WDPCP: variants seen among roughly 807,000 people sequenced by gnomAD.
WDPCP encodes the protein WD repeat-containing and planar cell polarity effector protein fritz homolog.
A neutral mutation model predicts 93.1 loss-of-function variants in WDPCP; 71 were observed. The observed-to-expected ratio is 0.76, with a 90% confidence interval of 0.63 to 0.93. The LOEUF (loss-of-function observed/expected upper bound fraction) is 0.93. Ranked by LOEUF, WDPCP falls within the 40% of genes least tolerant of loss-of-function variation. The probability of loss-of-function intolerance (pLI) is 0.00; values close to 1 mark genes in which losing one functional copy is unlikely to be tolerated. For missense variants in WDPCP, 844 were observed against 887.4 expected, an observed-to-expected ratio of 0.95 and a Z score of 0.62; for synonymous variants, 315 against 315.0, an observed-to-expected ratio of 1.00 and a Z score of 0.00.
At chr2:63,656,623 C>T (rs967109367) in intron 2 of WDPCP, among the ~76,000 whole-genome samples, 8 of 152,184 alleles carry the variant, frequency 5.3e-5, no homozygotes, top group Admixed American at 6.5e-5. Flanking sequence ...GATTAAAAGC[C>T]GACTTGAGCA....
At chr2:63,762,341 A>G (rs567590665) in intron 2 of WDPCP, among the ~76,000 whole-genome samples, 2 of 152,370 alleles carry the variant, frequency 1.3e-5, no homozygotes, top group East Asian at 3.9e-4. Flanking sequence ...AATTAAAATC[A>G]GAAAATCTGA....
At chr2:63,605,259 C>T in intron 3 of WDPCP, 2 of 1,531,622 alleles carry the variant, frequency 1.3e-6, no homozygotes, top group Non-Finnish European at 1.8e-6. Context: ...ATACTGCTGC[C>T]TTCACCTGCC....
chr2:63,730,486 C>T (rs746775297), intron 2 of WDPCP, among the ~76,000 whole-genome samples: 9 of 152,138 alleles, frequency 5.9e-5, no homozygotes, highest in Admixed American at 1.3e-4. Context: ...TTTTTTGAGA[C>T]GGAGTCTCGC....
chr2:63,795,523 GAGAGAAAGAGAA>G (rs1302986391), intron 2 of WDPCP, among the ~76,000 whole-genome samples: 1 of 146,924 alleles, frequency 6.8e-6, no homozygotes. Flanking sequence ...AAGAAAGAAA[GAGAGAAAGAGAA>G]AGAGAAAGAG....
At chr2:63,826,514 AACAGAC>A (rs1456611866) in intron 1 of WDPCP, among the ~76,000 whole-genome samples, 3 of 152,128 alleles carry the variant, frequency 2.0e-5, no homozygotes, top group Non-Finnish European at 4.4e-5. Flanking sequence ...TAATTCCACT[AACAGAC>A]ACACTAGTGG....
At chr2:63,831,174 T>G (rs1014766867), upstream of WDPCP, among the ~76,000 whole-genome samples, 2 of 152,150 alleles carry the variant, frequency 1.3e-5, no homozygotes, top group Non-Finnish European at 2.9e-5. Context: ...AAAATATATC[T>G]CTAAACTCTT....
intron 12 of WDPCP, among the ~76,000 whole-genome samples, chr2:63,349,341 ATTC>A (rs1689416609): frequency 6.6e-6 from 1 of 152,140 alleles, no homozygotes; most frequent in South Asian, 2.1e-4. Context: ...CAATTTTATT[ATTC>A]TAAGTCATAA....
At chr2:63,507,549 T>G (rs1252690050) in intron 1 of WDPCP, among the ~76,000 whole-genome samples, 2 of 151,570 alleles carry the variant, frequency 1.3e-5, no homozygotes, top group Non-Finnish European at 2.9e-5. Context: ...TGATATAGAA[T>G]CCAGGAAGGG....
intron 17 of WDPCP, among the ~76,000 whole-genome samples, chr2:63,127,807 T>A (rs562352443): frequency 6.6e-6 from 1 of 151,608 alleles, no homozygotes; most frequent in Non-Finnish European, 1.5e-5. Flanking sequence ...TCTACCATAA[T>A]TCCACATTAA....
chr2:63,620,255 C>T (rs1407733290), intron 3 of WDPCP, among the ~76,000 whole-genome samples: 2 of 152,232 alleles, frequency 1.3e-5, no homozygotes, highest in African/African-American at 4.8e-5. Flanking sequence ...CAGAGCCCAG[C>T]AAGCTAAGAC....
At chr2:63,243,809 C>G (rs1463928891) in intron 14 of WDPCP, among the ~76,000 whole-genome samples, 1 of 152,078 alleles carries the variant, frequency 6.6e-6, no homozygotes, top group Non-Finnish European at 1.5e-5. Context: ...GACAGGTCAT[C>G]AAGGCAGAAA....
At chr2:63,686,573 A>G (rs541027291) in intron 2 of WDPCP, among the ~76,000 whole-genome samples, 26 of 145,982 alleles carry the variant, frequency 1.8e-4, no homozygotes, top group Non-Finnish European at 3.6e-4. Flanking sequence ...CCTTCAGAGA[A>G]ATAGAAAAAA....
At chr2:63,461,662 C>T (rs1699018999) in intron 6 of WDPCP, among the ~76,000 whole-genome samples, 1 of 152,068 alleles carries the variant, frequency 6.6e-6, no homozygotes, top group Admixed American at 6.6e-5. Context: ...AGATTGGGAC[C>T]AGTTTTGTTG....
intron 2 of WDPCP, among the ~76,000 whole-genome samples, chr2:63,808,942 T>C (rs560830534): frequency 3.9e-4 from 59 of 149,646 alleles, no homozygotes; most frequent in African/African-American, 1.3e-3. Flanking sequence ...GTGAGGAGTG[T>C]CTCTGCCCGG....
At chr2:63,375,784 T>C (rs1308854059) in intron 12 of WDPCP, among the ~76,000 whole-genome samples, 2 of 151,914 alleles carry the variant, frequency 1.3e-5, no homozygotes, top group South Asian at 2.1e-4. Context: ...CTTCATATGC[T>C]AGATGAAATT....
At chr2:63,398,215 C>T (rs1219556968) in intron 10 of WDPCP, among the ~76,000 whole-genome samples, 1 of 152,054 alleles carries the variant, frequency 6.6e-6, no homozygotes. Flanking sequence ...GAATAGGGAG[C>T]TGATAATGTG....
chr2:63,368,317 T>TATTTA (rs1553365333), intron 12 of WDPCP, among the ~76,000 whole-genome samples: 2 of 90,864 alleles, frequency 2.2e-5, no homozygotes, highest in African/African-American at 8.3e-5. Context: ...TTTATTTATT[T>TATTTA]ATTTATTTAT....
intron 1 of WDPCP, among the ~76,000 whole-genome samples, chr2:63,503,453 A>T (rs1288225294): frequency 1.3e-5 from 2 of 152,182 alleles, no homozygotes; most frequent in Admixed American, 6.5e-5. Context: ...AAATAATTGC[A>T]ATAGTTTATA....
chr2:63,160,559 C>G (rs936251297), intron 15 of WDPCP, among the ~76,000 whole-genome samples: 3 of 152,150 alleles, frequency 2.0e-5, no homozygotes, highest in Non-Finnish European at 4.4e-5. Flanking sequence ...GTGGCCACTA[C>G]TGGGGGTTGC....
Sources: allele counts gnomAD v4.1 joint callset (sites outside exome capture counted in the v4.1 genomes callset), GRCh38; gene constraint gnomAD v4.1.1; transcripts MANE v1.5; gene names NCBI Gene and HGNC (gene_info 2026-07-23, HGNC 2026-07-21).